CDH20: variants seen among roughly 807,000 people sequenced by gnomAD.
CDH20 encodes cadherin 20.
A neutral mutation model predicts 74.2 loss-of-function variants in CDH20; 29 were observed. That is an observed-to-expected ratio of 0.39 (90% CI 0.29 to 0.53). The LOEUF (loss-of-function observed/expected upper bound fraction) is 0.53. CDH20 is among the 20% of genes least tolerant of loss of function. CDH20 has a pLI of 0.69. For synonymous variants in CDH20, 469 were observed against 405.4 expected (o/e 1.16, Z -1.88); for missense variants, 988 against 1,048.3 (o/e 0.94, Z 0.79).
At chr18:61,513,758 A>G (rs1044493149) in intron 6 of CDH20, among the ~76,000 whole-genome samples, 6 of 152,132 alleles carry the variant, frequency 3.9e-5, no homozygotes, top group African/African-American at 1.4e-4. Context: ...TTCACTTATG[A>G]AGCTTAGTTT....
chr18:61,423,271 G>C (rs970647706), intron 1 of CDH20, among the ~76,000 whole-genome samples: 1 of 152,194 alleles, frequency 6.6e-6, no homozygotes, highest in Non-Finnish European at 1.5e-5. Flanking sequence ...TGCCCTCTCA[G>C]GGTCTCTCTT....
intron 1 of CDH20, among the ~76,000 whole-genome samples, chr18:61,350,231 T>C (rs1910260200): frequency 6.6e-6 from 1 of 152,182 alleles, no homozygotes; most frequent in Non-Finnish European, 1.5e-5. Flanking sequence ...CCAAAGAATC[T>C]ATGTTATTCT....
chr18:61,528,109 C>G lies in CDH20; in HGVS notation c.1160C>G (p.Pro387Arg). 1 of 1,614,158 alleles carries G rather than the reference C, an allele frequency of 6.2e-7. No individual in the cohort carries two copies. The highest frequency in any genetic ancestry group is 8.5e-7 in the Non-Finnish European group (1 of 1,180,016). The change falls in exon 7 of 12, where the codon CCT becomes CGT. Residue 387 changes from proline to arginine, a missense_variant. By Grantham distance (103) the Pro-to-Arg change is moderately radical. This residue lies in a region of CDH20 where 613 missense variants were observed against 755.2 expected (regional missense o/e 0.81). Transcript: ENST00000262717. ...HISVEDVDEP[P>R]VFEPGFYFVE... Reference sequence around the variant, plus strand: ...AGTGTGGAAGACGTGGACGAGCCCCCTGTGTTTGAACCTGGCTTTTACTTT... The same window carrying G: ...AGTGTGGAAGACGTGGACGAGCCCCGTGTGTTTGAACCTGGCTTTTACTTT...
At chr18:61,374,165 C>T (rs1052170078) in intron 1 of CDH20, among the ~76,000 whole-genome samples, 6 of 152,030 alleles carry the variant, frequency 3.9e-5, no homozygotes, top group Admixed American at 3.9e-4. Context: ...CCTTGGTAGC[C>T]ATATACCCAG....
chr18:61,506,821 G>A (rs1911580454), intron 5 of CDH20, among the ~76,000 whole-genome samples: 1 of 152,082 alleles, frequency 6.6e-6, no homozygotes, highest in Non-Finnish European at 1.5e-5. Context: ...CACACTGAGG[G>A]GCAGCACATG....
intron 1 of CDH20, among the ~76,000 whole-genome samples, chr18:61,486,040 TCCAGC>T (rs986589552): frequency 2.6e-5 from 4 of 151,868 alleles, no homozygotes; most frequent in African/African-American, 9.7e-5. Context: ...GCCACTGCAG[TCCAGC>T]CTGGGCGACA....
intron 1 of CDH20, among the ~76,000 whole-genome samples, chr18:61,422,836 T>G (rs997457574): frequency 5.9e-5 from 9 of 152,048 alleles, no homozygotes; most frequent in Admixed American, 5.2e-4. Flanking sequence ...GAGCCCATAA[T>G]TCATAAATAA....
chr18:61,504,361 A>G (rs1911486735), intron 5 of CDH20, among the ~76,000 whole-genome samples: 3 of 152,176 alleles, frequency 2.0e-5, no homozygotes, highest in South Asian at 2.1e-4. Context: ...TTTCCTGGCT[A>G]AGGGAACCAT....
chr18:61,370,192 G>A (rs1910988736), intron 1 of CDH20, among the ~76,000 whole-genome samples: 2 of 152,090 alleles, frequency 1.3e-5, no homozygotes, highest in African/African-American at 4.8e-5. Flanking sequence ...TTTTGTCCAT[G>A]TGATTTTCTT....
At chr18:61,520,993 C>T (rs1462980017) in intron 6 of CDH20, among the ~76,000 whole-genome samples, 2 of 150,966 alleles carry the variant, frequency 1.3e-5, no homozygotes, top group East Asian at 1.9e-4. Flanking sequence ...AATCAACACC[C>T]TAATATCACA....
intron 6 of CDH20, among the ~76,000 whole-genome samples, chr18:61,512,879 A>C (rs536324868): frequency 3.3e-5 from 5 of 152,136 alleles, no homozygotes; most frequent in African/African-American, 1.2e-4. Context: ...AGTTTGTTAT[A>C]ATTTCTGTTC....
At chr18:61,473,830 A>C (rs9948683) in intron 1 of CDH20, among the ~76,000 whole-genome samples, 23,681 of 152,122 alleles carry the variant, frequency 0.16, 1,899 homozygotes, top group East Asian at 0.28. Context: ...AGGTCATAAA[A>C]AATATCTTTT....
At chr18:61,484,350 C>G (rs75199339) in intron 1 of CDH20, among the ~76,000 whole-genome samples, 2 of 152,068 alleles carry the variant, frequency 1.3e-5, no homozygotes, top group African/African-American at 4.8e-5. Flanking sequence ...AAAGTGAAAA[C>G]TGGAGGAAGG....
intron 9 of CDH20, among the ~76,000 whole-genome samples, chr18:61,542,434 G>A (rs1490382991): frequency 6.6e-6 from 1 of 152,210 alleles, no homozygotes; most frequent in African/African-American, 2.4e-5. Context: ...ACCTGTGGGA[G>A]GGAAGTGAAG....
intron 6 of CDH20, among the ~76,000 whole-genome samples, chr18:61,515,256 C>T (rs1397266677): frequency 2.6e-5 from 4 of 152,078 alleles, no homozygotes; most frequent in African/African-American, 7.2e-5. Context: ...AGGAGTGACC[C>T]GATTTTCCAG....
chr18:61,399,330 T>C (rs1306672738), intron 1 of CDH20, among the ~76,000 whole-genome samples: 1 of 152,158 alleles, frequency 6.6e-6, no homozygotes, highest in Non-Finnish European at 1.5e-5. Context: ...AGTACTCGAG[T>C]AGCCTAACTT....
chr18:61,476,043 G>C (rs1910369239), intron 1 of CDH20, among the ~76,000 whole-genome samples: 1 of 152,094 alleles, frequency 6.6e-6, no homozygotes, highest in Admixed American at 6.5e-5. Context: ...TGGAATTCCA[G>C]GTGTGGCAGA....
In CDH20 at chr18:61,521,287, C is replaced by T. The variant is rs551521824; in HGVS notation, c.1018-6680C>T. 6.6e-5 allele frequency among the ~76,000 whole-genome samples: 10 copies of T among 151,442 alleles called. No homozygotes were observed. The East Asian group carries it at 1.7e-3, about 26-fold the overall frequency. Reference sequence around the variant, plus strand: ...AAATACAAACTACCATCAGGGAATACTATAAACACTTCTATGCAAATAAAC... The same window carrying T: ...AAATACAAACTACCATCAGGGAATATTATAAACACTTCTATGCAAATAAAC... On this transcript the variant is annotated intron_variant, in intron 6 of 11. Coordinates refer to ENST00000262717, the MANE Select transcript of CDH20 (RefSeq NM_031891.4).
intron 1 of CDH20, among the ~76,000 whole-genome samples, chr18:61,382,354 G>C (rs751539925): frequency 3.9e-5 from 6 of 152,118 alleles, no homozygotes; most frequent in African/African-American, 1.4e-4. Flanking sequence ...AAAACGTAAT[G>C]GCCAAAAAGT....
Sources: gnomAD v4.1 joint callset for allele counts (sites outside exome capture counted in the v4.1 genomes callset) on GRCh38, gnomAD v4.1.1 for gene constraint, gnomAD v4.1.1 regional missense constraint, MANE v1.5 for transcripts, NCBI Gene and HGNC (gene_info 2026-07-23, HGNC 2026-07-21) for gene names.